Variants in SORCS1 observed in about 807,000 individuals in gnomAD.
SORCS1 encodes VPS10 domain-containing receptor SorCS1.
Under a neutral mutation model 146.1 loss-of-function variants are expected in SORCS1, and 60 were observed. The observed-to-expected ratio is 0.41, with a 90% CI of 0.33 to 0.51. The LOEUF is 0.51. Ranked by LOEUF, SORCS1 falls within the 20% of genes least tolerant of loss-of-function variation. The pLI is 0.21. For synonymous variants in SORCS1, 637 were observed against 584.0 expected, an observed-to-expected ratio of 1.09 and a Z score of -1.31; for missense variants, 1,352 against 1,487.6, an observed-to-expected ratio of 0.91 and a Z score of 1.50.
intron 2 of SORCS1, among the ~76,000 whole-genome samples, chr10:106,953,443 AT>A (rs1270722850): frequency 5.9e-5 from 9 of 151,996 alleles, no homozygotes; most frequent in East Asian, 5.8e-4. Context: ...TTGTTTTTAA[AT>A]TTTTTTCCCC....
chr10:106,724,384 G>A (rs1334612044), intron 6 of SORCS1, among the ~76,000 whole-genome samples: 1 of 151,992 alleles, frequency 6.6e-6, no homozygotes, highest in Non-Finnish European at 1.5e-5. Flanking sequence ...GTGTGCACCT[G>A]TAATCCCAGC....
At chr10:106,967,102 T>G (rs1955529727) in intron 1 of SORCS1, among the ~76,000 whole-genome samples, 1 of 114,410 alleles carries the variant, frequency 8.7e-6, no homozygotes, top group Admixed American at 1.0e-4. Context: ...AGTTCAGAGA[T>G]GCTATCCACT....
At chr10:106,638,111 G>A (rs150881915) in intron 18 of SORCS1, among the ~76,000 whole-genome samples, 673 of 152,268 alleles carry the variant, frequency 4.4e-3, no homozygotes, top group Admixed American at 8.8e-3. Flanking sequence ...GATAATAAAG[G>A]ACATTGCTAT....
intron 3 of SORCS1, among the ~76,000 whole-genome samples, chr10:106,816,277 G>A (rs1947737082): frequency 6.6e-6 from 1 of 152,158 alleles, no homozygotes; most frequent in South Asian, 2.1e-4. Flanking sequence ...TTGCTACAAT[G>A]AACATCTGTG....
At chr10:106,652,260 T>TA in intron 18 of SORCS1, 122 bp downstream of exon 18, 1 of 1,045,276 alleles carries the variant, frequency 9.6e-7, no homozygotes, top group Non-Finnish European at 1.3e-6. Flanking sequence ...AAAAGTAAAA[T>TA]AAAAATTTTT....
At chr10:107,149,798 G>A (rs1228417455) in intron 1 of SORCS1, among the ~76,000 whole-genome samples, 1 of 152,144 alleles carries the variant, frequency 6.6e-6, no homozygotes, top group African/African-American at 2.4e-5. Flanking sequence ...TAGACATTGA[G>A]ACAATGAAGA....
intron 3 of SORCS1, among the ~76,000 whole-genome samples, chr10:106,802,280 C>T (rs549842704): frequency 1.4e-4 from 21 of 152,136 alleles, no homozygotes; most frequent in Non-Finnish European, 2.5e-4. Flanking sequence ...AGATTTGCAT[C>T]CACAAAAGGC....
intron 1 of SORCS1, among the ~76,000 whole-genome samples, chr10:107,050,424 G>A (rs1048034725): frequency 2.0e-5 from 3 of 152,102 alleles, no homozygotes; most frequent in Non-Finnish European, 4.4e-5. Flanking sequence ...TTCCTGTGAG[G>A]AGAAGACTCT....
chr10:106,662,440 C>G (rs1277464517), intron 17 of SORCS1, among the ~76,000 whole-genome samples: 3 of 152,122 alleles, frequency 2.0e-5, no homozygotes, highest in Non-Finnish European at 4.4e-5. Flanking sequence ...ATGTCTGTAT[C>G]ATGAGCTATG....
intron 3 of SORCS1, among the ~76,000 whole-genome samples, chr10:106,806,808 C>G (rs140311797): frequency 6.6e-6 from 1 of 152,022 alleles, no homozygotes; most frequent in Admixed American, 6.6e-5. Context: ...AGCCACCGCA[C>G]CCGGAGGAGA....
chr10:106,869,020 C>A (rs1157939752), intron 2 of SORCS1, among the ~76,000 whole-genome samples: 1 of 151,998 alleles, frequency 6.6e-6, no homozygotes, highest in African/African-American at 2.4e-5. Flanking sequence ...CTACCACCGA[C>A]CCCACAGAAA....
rs531759081 is a variant in SORCS1, at chr10:106,999,747, G to T, written c.559-43167C>A. On this transcript the variant is annotated intron_variant, in intron 1 of 25. Coordinates refer to ENST00000263054, the MANE Select transcript of SORCS1 (RefSeq NM_052918.5). The stretch of plus-strand genomic sequence containing the variant: ...TCCAGATTATACCTCCTTAATTCAG[G>T]TTTTACAAATTCAGCCAGGGGCTGG... Among the ~76,000 whole-genome samples, 350 of 152,254 alleles carry T rather than the reference G, an allele frequency of 2.3e-3. 5 individuals are homozygous for T. Among genetic ancestry groups the T allele is most frequent in the African/African-American group, 7.9e-3 (328 of 41,540 alleles).
chr10:106,815,921 C>T (rs977126796), intron 3 of SORCS1, among the ~76,000 whole-genome samples: 2 of 152,320 alleles, frequency 1.3e-5, no homozygotes, highest in African/African-American at 4.8e-5. Flanking sequence ...CTTTAACTTG[C>T]TTAGATCTTG....
At chr10:106,651,933 A>G (rs904406815) in intron 18 of SORCS1, among the ~76,000 whole-genome samples, 2 of 152,222 alleles carry the variant, frequency 1.3e-5, no homozygotes, top group African/African-American at 2.4e-5. Context: ...TTATGTTTAC[A>G]TTGGCCTCAG....
chr10:106,582,695 T>C (rs906850741), intron 24 of SORCS1, among the ~76,000 whole-genome samples: 13 of 152,074 alleles, frequency 8.5e-5, no homozygotes, highest in Middle Eastern at 3.4e-3. Flanking sequence ...CTGAGCAGTT[T>C]TTTGCCATTA....
rs963458818 is a variant in SORCS1 at position 107,091,879 on chromosome 10, T to G, written c.558+72090A>C. Among the ~76,000 whole-genome samples the G allele has an allele frequency of 5.9e-5, 9 of 152,338 alleles. No homozygotes were observed. The East Asian group carries it at 1.7e-3, about 29-fold the overall frequency. On this transcript the variant is annotated intron_variant, in intron 1 of 25. Coordinates refer to ENST00000263054, the MANE Select transcript of SORCS1 (RefSeq NM_052918.5). Reference sequence around the variant, plus strand: ...ATGGCCAAGTAGCTGCCACACAGTTTCATGACCCATCACTCACTCTCTGAT... The same window carrying G: ...ATGGCCAAGTAGCTGCCACACAGTTGCATGACCCATCACTCACTCTCTGAT...
chr10:106,626,439 C>A (rs571877144), intron 19 of SORCS1, among the ~76,000 whole-genome samples: 1 of 152,102 alleles, frequency 6.6e-6, no homozygotes, highest in South Asian at 2.1e-4. Context: ...TCAGAATGCC[C>A]GACTCAGTCC....
At chr10:106,961,661 G>A (rs191111111) in intron 1 of SORCS1, among the ~76,000 whole-genome samples, 8 of 152,300 alleles carry the variant, frequency 5.3e-5, no homozygotes, top group Non-Finnish European at 1.2e-4. Context: ...TGACAGCAAA[G>A]GCAATCTCTA....
intron 1 of SORCS1, 53 bp from the exon 2 acceptor site, chr10:106,956,633 G>A: frequency 6.6e-7 from 1 of 1,509,172 alleles, no homozygotes; most frequent in South Asian, 1.1e-5. Context: ...CAATCTCTTA[G>A]AACTGAAATG....
Sources: allele counts gnomAD v4.1 joint callset (sites outside exome capture counted in the v4.1 genomes callset), GRCh38; gene constraint gnomAD v4.1.1; transcripts MANE v1.5; gene names NCBI Gene and HGNC (gene_info 2026-07-23, HGNC 2026-07-21).